The following ROBO1 variants were observed in gnomAD, a reference collection of about 807,000 sequenced individuals.
ROBO1 encodes roundabout homolog 1.
In ROBO1, 149 loss-of-function variants were observed where a neutral mutation model predicts 195.9. That is an observed-to-expected ratio of 0.76 (90% CI 0.67 to 0.87). The LOEUF is 0.87. Among genes scored for constraint, ROBO1 ranks in the 40% least tolerant of loss-of-function variants. The probability of loss-of-function intolerance (pLI) is 0.00; values close to 1 mark genes in which losing one functional copy is unlikely to be tolerated. For missense variants in ROBO1, 1,933 were observed against 2,068.3 expected (o/e 0.93, Z 1.27); for synonymous variants, 816 against 733.2 (o/e 1.11, Z -1.82).
intron 4 of ROBO1, among the ~76,000 whole-genome samples, chr3:78,817,112 C>G (rs1361419108): frequency 6.6e-6 from 1 of 152,126 alleles, no homozygotes; most frequent in African/African-American, 2.4e-5. Context: ...AACAGTGGCA[C>G]ATGCTACAGA....
intron 3 of ROBO1, among the ~76,000 whole-genome samples, chr3:79,002,333 T>C (rs2108141887): frequency 6.6e-6 from 1 of 152,292 alleles, no homozygotes; most frequent in East Asian, 1.9e-4. Flanking sequence ...AGTATTACTA[T>C]TTCTAATTGG....
intron 1 of ROBO1, among the ~76,000 whole-genome samples, chr3:79,620,365 A>C (rs1944966622): frequency 6.6e-6 from 1 of 152,076 alleles, no homozygotes; most frequent in Non-Finnish European, 1.5e-5. Context: ...GTGGAGGGTA[A>C]ATCCGTACCC....
intron 4 of ROBO1, among the ~76,000 whole-genome samples, chr3:78,826,565 C>T (rs984507183): frequency 6.6e-6 from 1 of 152,160 alleles, no homozygotes; most frequent in Non-Finnish European, 1.5e-5. Context: ...TCACCAACAA[C>T]CCTACTGAAA....
At chr3:79,442,049 G>C (rs1405679370) in intron 2 of ROBO1, among the ~76,000 whole-genome samples, 1 of 152,016 alleles carries the variant, frequency 6.6e-6, no homozygotes, top group Non-Finnish European at 1.5e-5. Flanking sequence ...AAAAGTAAAA[G>C]AATATAATCT....
rs559461688 is a variant in ROBO1, at chr3:78,950,500, G to T, written c.173-11573C>A. ...CACAGGAAGGGGAACATCACACATCGAGGCCTGTTGTGGGGTGGGGGGAGG... is the reference window on the plus strand; with the variant it reads ...CACAGGAAGGGGAACATCACACATCTAGGCCTGTTGTGGGGTGGGGGGAGG... On this transcript the variant is annotated intron_variant, in intron 3 of 30. Coordinates refer to ENST00000464233, the MANE Select transcript of ROBO1 (RefSeq NM_002941.4). Among the ~76,000 whole-genome samples the T allele has an allele frequency of 6.1e-4, 68 of 112,112 alleles. 1 individual carries two copies. The South Asian group carries it at 0.022, about 36-fold the overall frequency. The allele number at this position is 112,112 out of a possible 152,430, so 73.5% of individuals were successfully genotyped here.
intron 9 of ROBO1, among the ~76,000 whole-genome samples, chr3:78,688,039 T>TA (rs1575937836): frequency 6.6e-6 from 1 of 152,208 alleles, no homozygotes; most frequent in Non-Finnish European, 1.5e-5. Context: ...ATAATGAACT[T>TA]AGAGTTCAAA....
At chr3:79,740,624 G>A (rs1366760287) in intron 1 of ROBO1, among the ~76,000 whole-genome samples, 2 of 152,110 alleles carry the variant, frequency 1.3e-5, no homozygotes, top group African/African-American at 4.8e-5. Context: ...CAGATCTCGT[G>A]AGAACTCACT....
intron 2 of ROBO1, among the ~76,000 whole-genome samples, chr3:79,570,625 G>T (rs1335442484): frequency 1.3e-5 from 2 of 152,116 alleles, no homozygotes; most frequent in Non-Finnish European, 2.9e-5. Context: ...AGACAAAAAT[G>T]CAAAGAATGT....
chr3:79,271,647 T>C (rs1010629491), intron 2 of ROBO1, among the ~76,000 whole-genome samples: 1 of 151,980 alleles, frequency 6.6e-6, no homozygotes, highest in African/African-American at 2.4e-5. Flanking sequence ...CCAGTGAAAA[T>C]TAATCTCTTC....
intron 2 of ROBO1, among the ~76,000 whole-genome samples, chr3:79,466,392 A>G (rs1937959830): frequency 6.6e-6 from 1 of 152,192 alleles, no homozygotes; most frequent in South Asian, 2.1e-4. Flanking sequence ...TCAAAGACAA[A>G]TAGCACCTAC....
intron 3 of ROBO1, among the ~76,000 whole-genome samples, chr3:79,117,441 T>C (rs1312941961): frequency 1.3e-5 from 2 of 152,104 alleles, no homozygotes; most frequent in East Asian, 3.9e-4. Flanking sequence ...TTCATCATTG[T>C]ACTTGTTGCA....
At chr3:79,209,143 C>A (rs2081925713) in intron 2 of ROBO1, among the ~76,000 whole-genome samples, 1 of 152,096 alleles carries the variant, frequency 6.6e-6, no homozygotes, top group Non-Finnish European at 1.5e-5. Flanking sequence ...AATATGTAGT[C>A]TTTTATTCCT....
intron 4 of ROBO1, among the ~76,000 whole-genome samples, chr3:78,889,875 C>T (rs2036788076): frequency 6.6e-6 from 1 of 152,004 alleles, no homozygotes; most frequent in African/African-American, 2.4e-5. Flanking sequence ...ATTAATGATA[C>T]TAAGACAATA....
intron 2 of ROBO1, among the ~76,000 whole-genome samples, chr3:79,243,858 G>T (rs2082570921): frequency 6.6e-6 from 1 of 151,974 alleles, no homozygotes; most frequent in African/African-American, 2.4e-5. Context: ...GTCAATTTTG[G>T]CTTTTGTTGC....
intron 5 of ROBO1, among the ~76,000 whole-genome samples, chr3:78,741,747 C>T (rs1290553423): frequency 6.6e-6 from 1 of 152,064 alleles, no homozygotes; most frequent in Non-Finnish European, 1.5e-5. Context: ...GATTAAGTCT[C>T]AAACACATGA....
intron 3 of ROBO1, among the ~76,000 whole-genome samples, chr3:79,064,799 T>C (rs2078978159): frequency 6.6e-6 from 1 of 152,006 alleles, no homozygotes; most frequent in Admixed American, 6.6e-5. Context: ...TTCCTGATAC[T>C]CATCCTTTCT....
chr3:78,854,419 A>G (rs2034281604), intron 4 of ROBO1, among the ~76,000 whole-genome samples: 2 of 150,370 alleles, frequency 1.3e-5, no homozygotes. Flanking sequence ...GTACACATAG[A>G]GAGAGACATA....
chr3:78,634,823 C>T (rs78777901), intron 23 of ROBO1, among the ~76,000 whole-genome samples: 6,337 of 152,106 alleles, frequency 0.042, 140 homozygotes, highest in Non-Finnish European at 0.051. Context: ...ACTTCATTCT[C>T]GAGTTAAAAC....
intron 2 of ROBO1, among the ~76,000 whole-genome samples, chr3:79,283,141 A>G (rs2109006856): frequency 6.6e-6 from 1 of 152,336 alleles, no homozygotes; most frequent in African/African-American, 2.4e-5. Flanking sequence ...ACATTCCTCA[A>G]TCATGCCATC....
Sources: allele counts gnomAD v4.1 joint callset (sites outside exome capture counted in the v4.1 genomes callset), GRCh38; gene constraint gnomAD v4.1.1; transcripts MANE v1.5; gene names NCBI Gene and HGNC (gene_info 2026-07-23, HGNC 2026-07-21).